The following CFAP53 variants were observed in gnomAD, a reference collection of about 807,000 sequenced individuals.
The protein encoded by CFAP53 is cilia and flagella associated protein 53.
CFAP53 carries 62 observed loss-of-function variants against 59.7 expected under a neutral mutation model. The observed-to-expected ratio is 1.04, with a 90% CI of 0.85 to 1.28. The LOEUF (loss-of-function observed/expected upper bound fraction) is 1.28, where lower values mean the gene tolerates loss of function less well. Among genes scored for constraint, CFAP53 ranks in the 50% most tolerant of loss-of-function variants. The pLI is 0.00. For synonymous variants in CFAP53, 218 were observed against 205.7 expected, an observed-to-expected ratio of 1.06 and a Z score of -0.51; for missense variants, 629 against 615.6, an observed-to-expected ratio of 1.02 and a Z score of -0.23.
intron 5 of CFAP53, among the ~76,000 whole-genome samples, chr18:50,246,829 T>C (rs1217401496): frequency 1.3e-5 from 2 of 151,916 alleles, no homozygotes; most frequent in African/African-American, 4.8e-5. Context: ...GTGGATCGCC[T>C]AAGGTCAGGA....
At chr18:50,240,275 AT>A (rs551374778) in intron 6 of CFAP53, among the ~76,000 whole-genome samples, 52 of 150,280 alleles carry the variant, frequency 3.5e-4, no homozygotes, top group African/African-American at 1.2e-3. Flanking sequence ...ACCCTGATTC[AT>A]TCAGATTACC....
chr18:50,228,291 G>A (rs755256627), intron 7 of CFAP53, among the ~76,000 whole-genome samples: 3 of 151,826 alleles, frequency 2.0e-5, no homozygotes, highest in Non-Finnish European at 2.9e-5. Flanking sequence ...AGGCTGCTCC[G>A]CCTGTTTTCT....
At chr18:50,258,967 G>A (rs1186196364) in intron 3 of CFAP53, among the ~76,000 whole-genome samples, 1 of 152,170 alleles carries the variant, frequency 6.6e-6, no homozygotes, top group African/African-American at 2.4e-5. Flanking sequence ...AAATCTTGGT[G>A]AGGATGCAGA....
intron 1 of CFAP53, 105 bp from the exon 2 acceptor site, chr18:50,262,324 A>C (rs2033901740): frequency 3.4e-6 from 3 of 879,374 alleles, no homozygotes; most frequent in Non-Finnish European, 5.3e-6. Flanking sequence ...AAAATTGGGT[A>C]TAAAAAACTA....
In CFAP53 at chr18:50,245,254, C is replaced by T. The variant is rs1382694434; in HGVS notation, c.997-2138G>A. Among the ~76,000 whole-genome samples the T allele has an allele frequency of 4.0e-5, 6 of 148,848 alleles. No individual in the cohort carries two copies. The East Asian group carries it at 6.0e-4, about 15-fold the overall frequency. ...AAAATTAGCCAGGCGCGGTGGTGGG[C>T]GCCTGTAGTCCCAGCTACTCGGGAG... On this transcript the variant is annotated intron_variant, in intron 5 of 7. Transcript: ENST00000398545.
chr18:50,237,329 AATATATATAT>A, intron 7 of CFAP53, among the ~76,000 whole-genome samples: 1 of 6,340 alleles, frequency 1.6e-4, no homozygotes, highest in South Asian at 0.031. Flanking sequence ...AAAAAAAAAA[AATATATATAT>A]ATATATATAT....
chr18:50,248,802 A>C (rs74782050), intron 5 of CFAP53, among the ~76,000 whole-genome samples: 2 of 151,360 alleles, frequency 1.3e-5, no homozygotes, highest in African/African-American at 2.4e-5. Flanking sequence ...AAAAAAAAAA[A>C]AGTGAGAATG....
At chr18:50,227,969 T>TTTTTTC (rs2033542879) in intron 7 of CFAP53, among the ~76,000 whole-genome samples, 1 of 136,586 alleles carries the variant, frequency 7.3e-6, no homozygotes, top group Admixed American at 7.6e-5. Flanking sequence ...TTTTTTTTTT[T>TTTTTTC]TTTTTTTTGA....
At chr18:50,250,283 A>T (rs906574452) in intron 5 of CFAP53, among the ~76,000 whole-genome samples, 1 of 152,072 alleles carries the variant, frequency 6.6e-6, no homozygotes, top group African/African-American at 2.4e-5. Flanking sequence ...GTACATGCAC[A>T]CTAAGAACCA....
intron 7 of CFAP53, among the ~76,000 whole-genome samples, chr18:50,235,282 T>C (rs1481688890): frequency 2.0e-5 from 3 of 152,172 alleles, no homozygotes; most frequent in Admixed American, 1.3e-4. Context: ...AAAGCTCATA[T>C]TGGCTGGGTG....
intron 7 of CFAP53, among the ~76,000 whole-genome samples, chr18:50,232,623 C>A (rs943469451): frequency 2.0e-5 from 3 of 152,188 alleles, no homozygotes; most frequent in Admixed American, 6.5e-5. Flanking sequence ...ATCAAAGGGC[C>A]CCCAGGACAG....
chr18:50,239,662 A>G (rs1481900444), intron 6 of CFAP53, among the ~76,000 whole-genome samples: 1 of 152,232 alleles, frequency 6.6e-6, no homozygotes, highest in Admixed American at 6.5e-5. Context: ...GTCTGTTTTT[A>G]TAACAGATTT....
intron 5 of CFAP53, 125 bp from the exon 6 acceptor site, chr18:50,243,241 C>G: frequency 1.5e-6 from 1 of 673,382 alleles, no homozygotes; most frequent in Non-Finnish European, 2.5e-6. Flanking sequence ...GAAACATTTA[C>G]AGATGTATGT....
chr18:50,240,798 C>A (rs951261775), intron 6 of CFAP53, among the ~76,000 whole-genome samples: 1 of 152,148 alleles, frequency 6.6e-6, no homozygotes, highest in Non-Finnish European at 1.5e-5. Context: ...ATGAATGGGA[C>A]CAGGATGAGC....
At chr18:50,251,140 C>A (rs2144422685) in intron 4 of CFAP53, among the ~76,000 whole-genome samples, 164 bp from the exon 5 acceptor site, 1 of 152,216 alleles carries the variant, frequency 6.6e-6, no homozygotes, top group South Asian at 2.1e-4. Context: ...GCTGAGTCAG[C>A]AATAAAACTG....
chr18:50,255,248 G>A (rs1175497258), intron 3 of CFAP53, among the ~76,000 whole-genome samples: 5 of 152,178 alleles, frequency 3.3e-5, no homozygotes, highest in Admixed American at 6.5e-5. Context: ...TGAAATTATG[G>A]GGATAGAGAT....
chr18:50,239,590 AC>A (rs1377653104), intron 6 of CFAP53, among the ~76,000 whole-genome samples: 2 of 152,240 alleles, frequency 1.3e-5, no homozygotes, highest in Non-Finnish European at 1.5e-5. Flanking sequence ...TTCTAAAATA[AC>A]AGTAAAAAGA....
chr18:50,247,116 C>T (rs937543791), intron 5 of CFAP53, among the ~76,000 whole-genome samples: 7 of 151,386 alleles, frequency 4.6e-5, no homozygotes, highest in Non-Finnish European at 8.8e-5. Flanking sequence ...GGGCAAAGGA[C>T]TTGAATAGAC....
intron 6 of CFAP53, among the ~76,000 whole-genome samples, chr18:50,241,963 C>T (rs2033694116): frequency 6.6e-6 from 1 of 152,152 alleles, no homozygotes; most frequent in Admixed American, 6.5e-5. Flanking sequence ...GTCCTTATCT[C>T]AACCGCATAA....
Sources: gnomAD v4.1 joint callset for allele counts (sites outside exome capture counted in the v4.1 genomes callset) on GRCh38, gnomAD v4.1.1 for gene constraint, MANE v1.5 for transcripts, NCBI Gene and HGNC (gene_info 2026-07-23, HGNC 2026-07-21) for gene names.